FOXP2: variants seen among roughly 807,000 people sequenced by gnomAD.
The protein encoded by FOXP2 is forkhead box P2, also known as forkhead box protein P2.
Under a neutral mutation model 115.8 loss-of-function variants are expected in FOXP2, and 12 were observed. That is an observed-to-expected ratio of 0.10 (90% CI 0.07 to 0.17). The LOEUF is 0.17. Ranked by LOEUF, FOXP2 falls within the 10% of genes least tolerant of loss-of-function variation. The pLI, the probability that FOXP2 is intolerant of heterozygous loss-of-function variation, is 1.00. For missense variants in FOXP2, 629 were observed against 843.5 expected (o/e 0.75, Z 3.15); for synonymous variants, 328 against 297.7 (o/e 1.10, Z -1.05).
chr7:114,650,957 T>C (rs1563059615), intron 8 of FOXP2, among the ~76,000 whole-genome samples: 1 of 152,070 alleles, frequency 6.6e-6, no homozygotes, highest in Non-Finnish European at 1.5e-5. Context: ...TATAAACAAA[T>C]AAACCTTTTG....
At chr7:114,415,628 T>TA (rs936944119) in intron 1 of FOXP2, among the ~76,000 whole-genome samples, 12 of 151,306 alleles carry the variant, frequency 7.9e-5, no homozygotes, top group Admixed American at 4.0e-4. Flanking sequence ...TCTTTTGTAT[T>TA]AAAAAAAAAT....
At chr7:114,495,116 C>T (rs1797248729) in intron 2 of FOXP2, among the ~76,000 whole-genome samples, 1 of 152,148 alleles carries the variant, frequency 6.6e-6, no homozygotes, top group African/African-American at 2.4e-5. Context: ...CATACACAAA[C>T]TGTAAAATGT....
intron 1 of FOXP2, among the ~76,000 whole-genome samples, chr7:114,123,316 C>A (rs1466910647): frequency 3.5e-5 from 5 of 143,290 alleles, no homozygotes; most frequent in African/African-American, 1.3e-4. Context: ...ATCTTGTCAA[C>A]ACACTCCAGT....
At chr7:114,290,751 A>G (rs545345801) in intron 2 of FOXP2, among the ~76,000 whole-genome samples, 1 of 152,188 alleles carries the variant, frequency 6.6e-6, no homozygotes, top group South Asian at 2.1e-4. Flanking sequence ...CTGGGTTTGA[A>G]TGATAGTTCC....
chr7:114,653,824 A>G (rs1170231976), intron 9 of FOXP2, 102 bp from the exon 10 acceptor site: 2 of 1,253,510 alleles, frequency 1.6e-6, no homozygotes, highest in African/African-American at 2.9e-5. Context: ...ACATGCAGGA[A>G]TCATTATTCT....
At chr7:114,403,781 T>G (rs1792950324) in intron 2 of FOXP2, among the ~76,000 whole-genome samples, 1 of 152,180 alleles carries the variant, frequency 6.6e-6, no homozygotes, top group African/African-American at 2.4e-5. Context: ...TGAAAGAACC[T>G]TATTGGGGAA....
chr7:114,589,188 C>G (rs1159027887), intron 3 of FOXP2, among the ~76,000 whole-genome samples: 1 of 152,120 alleles, frequency 6.6e-6, no homozygotes, highest in Admixed American at 6.6e-5. Context: ...TCTGCTTCAT[C>G]TCTCGCCACT....
intron 3 of FOXP2, among the ~76,000 whole-genome samples, chr7:114,584,540 C>G (rs1802032154): frequency 6.6e-6 from 1 of 152,146 alleles, no homozygotes; most frequent in Non-Finnish European, 1.5e-5. Context: ...ATTTTTTCTT[C>G]TGTTTGTCAG....
At chr7:114,404,787 T>C (rs1466523900) in intron 2 of FOXP2, among the ~76,000 whole-genome samples, 1 of 152,026 alleles carries the variant, frequency 6.6e-6, no homozygotes, top group East Asian at 1.9e-4. Flanking sequence ...AGAGTGTCTC[T>C]TTTATTCTTC....
intron 1 of FOXP2, among the ~76,000 whole-genome samples, chr7:114,107,882 T>G (rs1218481840): frequency 2.6e-5 from 4 of 151,958 alleles, no homozygotes; most frequent in Non-Finnish European, 1.5e-5. Flanking sequence ...ATGTGGAATC[T>G]TGGGATTCCA....
chr7:114,353,361 A>G (rs932034916), intron 2 of FOXP2, among the ~76,000 whole-genome samples: 3 of 74,494 alleles, frequency 4.0e-5, no homozygotes, highest in African/African-American at 1.5e-4. Flanking sequence ...TTTTTTTTTC[A>G]CAGCTCTATC....
At chr7:114,274,603 C>CTT (rs71157577) in intron 1 of FOXP2, among the ~76,000 whole-genome samples, 1,711 of 42,578 alleles carry the variant, frequency 0.04, 687 homozygotes, top group Non-Finnish European at 0.05. Flanking sequence ...CCTCTCAAAG[C>CTT]TTTTTTTTTT....
At chr7:114,584,808 T>C (rs1802050174) in intron 3 of FOXP2, among the ~76,000 whole-genome samples, 3 of 152,178 alleles carry the variant, frequency 2.0e-5, no homozygotes, top group African/African-American at 7.2e-5. Flanking sequence ...AACATCCGTA[T>C]GGATTGGAAA....
chr7:114,323,894 C>T (rs1797490298), intron 2 of FOXP2, among the ~76,000 whole-genome samples: 1 of 151,950 alleles, frequency 6.6e-6, no homozygotes, highest in African/African-American at 2.4e-5. Context: ...TAGATTCAAA[C>T]TAGAAGTTCT....
intron 3 of FOXP2, among the ~76,000 whole-genome samples, chr7:114,556,580 G>C (rs1433536241): frequency 1.3e-5 from 2 of 152,164 alleles, no homozygotes; most frequent in Non-Finnish European, 2.9e-5. Context: ...ATATTGCAGT[G>C]AATCTTCATG....
intron 1 of FOXP2, among the ~76,000 whole-genome samples, chr7:114,115,825 G>A (rs895729080): frequency 6.6e-6 from 1 of 152,058 alleles, no homozygotes; most frequent in African/African-American, 2.4e-5. Context: ...CTTTTGTTTT[G>A]CCTCAGTTTG....
intron 2 of FOXP2, among the ~76,000 whole-genome samples, chr7:114,437,206 G>A (rs556923554): frequency 6.6e-6 from 1 of 152,214 alleles, no homozygotes; most frequent in African/African-American, 2.4e-5. Context: ...CATTGTCAGT[G>A]GAAGTGATTT....
chr7:114,281,814 C>T (rs888700210), intron 1 of FOXP2, among the ~76,000 whole-genome samples: 1 of 151,980 alleles, frequency 6.6e-6, no homozygotes, highest in African/African-American at 2.4e-5. Flanking sequence ...CAATTTTTTT[C>T]AAGGTACAGT....
chr7:114,620,298 A>G (rs944869099), intron 3 of FOXP2, among the ~76,000 whole-genome samples: 8 of 152,238 alleles, frequency 5.3e-5, no homozygotes, highest in African/African-American at 1.9e-4. Context: ...CATGGAAGCA[A>G]TAAACGAATT....
Sources: allele counts gnomAD v4.1 joint callset (sites outside exome capture counted in the v4.1 genomes callset), GRCh38; gene constraint gnomAD v4.1.1; transcripts MANE v1.5; gene names NCBI Gene and HGNC (gene_info 2026-07-23, HGNC 2026-07-21).